Variants in ZDHHC2 observed in about 807,000 individuals in gnomAD.
ZDHHC2 encodes palmitoyltransferase ZDHHC2.
In ZDHHC2, 51 loss-of-function variants were observed where a neutral mutation model predicts 55.6. That is an observed-to-expected ratio of 0.92 (90% confidence interval 0.73 to 1.16). The LOEUF (loss-of-function observed/expected upper bound fraction) is 1.16. Ranked by LOEUF, ZDHHC2 falls within the 50% of genes most tolerant of loss-of-function variation. The pLI is 0.00. For missense variants in ZDHHC2, 491 were observed against 442.4 expected, an observed-to-expected ratio of 1.11 and a Z score of -0.99; for synonymous variants, 199 against 152.9, an observed-to-expected ratio of 1.30 and a Z score of -2.22.
chr8:17,196,417 C>G (rs929880317), intron 4 of ZDHHC2, among the ~76,000 whole-genome samples: 2 of 152,114 alleles, frequency 1.3e-5, no homozygotes, highest in East Asian at 1.9e-4. Flanking sequence ...TGAACAGACA[C>G]AGTGGCTTGT....
chr8:17,191,774 A>G (rs1428214021), intron 3 of ZDHHC2, among the ~76,000 whole-genome samples: 3 of 152,210 alleles, frequency 2.0e-5, no homozygotes, highest in African/African-American at 4.8e-5. Flanking sequence ...GTGCTGCAAT[A>G]AACATGGGAG....
At chr8:17,182,543 A>T (rs1488905916) in intron 1 of ZDHHC2, among the ~76,000 whole-genome samples, 1 of 152,180 alleles carries the variant, frequency 6.6e-6, no homozygotes, top group Non-Finnish European at 1.5e-5. Flanking sequence ...ATGTTACACA[A>T]TTATTTACTA....
intron 3 of ZDHHC2, among the ~76,000 whole-genome samples, chr8:17,186,837 A>G (rs535265320): frequency 6.6e-6 from 1 of 152,316 alleles, no homozygotes; most frequent in East Asian, 1.9e-4. Flanking sequence ...TCTGCATTCA[A>G]AAAGTCTGTA....
chr8:17,172,129 G>C (rs1468207243), intron 1 of ZDHHC2, among the ~76,000 whole-genome samples: 1 of 152,074 alleles, frequency 6.6e-6, no homozygotes, highest in African/African-American at 2.4e-5. Flanking sequence ...ACCTGGAACT[G>C]TTTACTTTCC....
Position 17,186,288 on chromosome 8 carries a change from G to A in ZDHHC2, c.158-43G>A, listed in dbSNP as rs192437993. 3.1e-3 allele frequency: 4,007 copies of A among 1,281,622 alleles called. 142 individuals are homozygous for A. The South Asian group carries it at 0.049, about 16-fold the overall frequency. The allele number at this position is 1,281,622 out of a possible 1,614,324, so 79.4% of individuals were successfully genotyped here. On this transcript the variant is annotated intron_variant, in intron 2 of 12. Transcript: ENST00000262096. ...GTTGTGACTGTCATAATTTTAGTAT[G>A]TATTTGCATATTATAATGATAATTA...
rs1379122858 is a variant in ZDHHC2 at position 17,222,988 on chromosome 8, T to TA, written c.*2768dup. 1 of 151,880 alleles carries TA rather than the reference T, an allele frequency of 6.6e-6. No homozygotes were observed. Among genetic ancestry groups the TA allele is most frequent in the Non-Finnish European group, 1.5e-5 (1 of 67,808 alleles). 9.4% of individuals were successfully genotyped at this position (151,880 alleles called of 1,614,324 possible). On this transcript the variant is annotated 3_prime_UTR_variant, in exon 13 of 13. Coordinates refer to ENST00000262096, the MANE Select transcript of ZDHHC2 (RefSeq NM_016353.5). ...GTAATCAATAGACAACTATTGGAAA[T>TA]ATGGCATATGTTGACAAACACTTAA...
chr8:17,210,761 G>GA (rs984105272), intron 10 of ZDHHC2, among the ~76,000 whole-genome samples: 24 of 151,082 alleles, frequency 1.6e-4, no homozygotes, highest in African/African-American at 4.9e-4. Flanking sequence ...GTGCTTAAAA[G>GA]AAAAAAAAAT....
rs1654495237 is a variant in ZDHHC2 at position 17,223,851 on chromosome 8, TTC to T, written c.*3634_*3635del. On this transcript the variant is annotated 3_prime_UTR_variant, in exon 13 of 13. Coordinates refer to ENST00000262096, the MANE Select transcript of ZDHHC2 (RefSeq NM_016353.5). ...ATGTTGCAAACCATGCATTTTCCTT[TTC>T]TCTTTTCCATAAGATTTTTTTATTG... 1 of 151,822 alleles carries T rather than the reference TTC, an allele frequency of 6.6e-6. No homozygotes were observed. The allele number at this position is 151,822 out of a possible 1,614,324, so 9.4% of individuals were successfully genotyped here.
chr8:17,195,298 G>C (rs1806249398), intron 3 of ZDHHC2, among the ~76,000 whole-genome samples: 1 of 152,132 alleles, frequency 6.6e-6, no homozygotes, highest in Non-Finnish European at 1.5e-5. Flanking sequence ...GTATTATGAT[G>C]ATGATTATTA....
At chr8:17,182,003 A>G (rs1805454232) in intron 1 of ZDHHC2, among the ~76,000 whole-genome samples, 1 of 152,200 alleles carries the variant, frequency 6.6e-6, no homozygotes, top group Non-Finnish European at 1.5e-5. Flanking sequence ...TTAAACTGAA[A>G]ATTACAAGGT....
At chr8:17,215,018 G>A (rs1423196364) in intron 10 of ZDHHC2, among the ~76,000 whole-genome samples, 2 of 152,242 alleles carry the variant, frequency 1.3e-5, no homozygotes, top group East Asian at 1.9e-4. Flanking sequence ...TCATCTTATG[G>A]TAAGCAGAAG....
chr8:17,205,474 AAGC>A (rs1156516802), intron 6 of ZDHHC2, among the ~76,000 whole-genome samples, 178 bp from the exon 7 acceptor site: 11 of 152,224 alleles, frequency 7.2e-5, no homozygotes, highest in Admixed American at 1.3e-4. Flanking sequence ...TTAAAAATAG[AAGC>A]AGATTTTTTA....
chr8:17,193,372 T>G (rs549728792), intron 3 of ZDHHC2, among the ~76,000 whole-genome samples: 8 of 152,370 alleles, frequency 5.3e-5, no homozygotes, highest in African/African-American at 1.7e-4. Context: ...CTGCCTTATA[T>G]TCTTCTAAAC....
chr8:17,177,641 A>G (rs145472473), intron 1 of ZDHHC2, among the ~76,000 whole-genome samples: 3 of 152,346 alleles, frequency 2.0e-5, no homozygotes, highest in African/African-American at 4.8e-5. Context: ...AGTATAGTCA[A>G]TTAATGTTTC....
At chr8:17,179,144 G>C (rs909315891) in intron 1 of ZDHHC2, among the ~76,000 whole-genome samples, 1 of 152,014 alleles carries the variant, frequency 6.6e-6, no homozygotes, top group Non-Finnish European at 1.5e-5. Context: ...TAGAGATGAT[G>C]TTTCACTGTG....
chr8:17,214,074 G>C (rs1044208234), intron 10 of ZDHHC2, among the ~76,000 whole-genome samples: 1 of 152,152 alleles, frequency 6.6e-6, no homozygotes, highest in Non-Finnish European at 1.5e-5. Context: ...AATTATTCTT[G>C]AAAGAGTTTT....
At chr8:17,216,174 C>G (rs1283760411) in intron 11 of ZDHHC2, among the ~76,000 whole-genome samples, 1 of 152,126 alleles carries the variant, frequency 6.6e-6, no homozygotes, top group African/African-American at 2.4e-5. Context: ...ACCTTTTCTC[C>G]TTCGTTTCTA....
intron 10 of ZDHHC2, among the ~76,000 whole-genome samples, chr8:17,212,910 C>A (rs59674627): frequency 0.038 from 5,837 of 151,932 alleles, 413 homozygotes; most frequent in East Asian, 0.31. Flanking sequence ...TTGCCCAGGC[C>A]GGAGTGCAGT....
intron 11 of ZDHHC2, among the ~76,000 whole-genome samples, chr8:17,216,075 A>G (rs1398589958): frequency 2.0e-5 from 3 of 152,224 alleles, no homozygotes. Context: ...ATGTGTGTGT[A>G]TATATGTGTG....
Sources: gnomAD v4.1 joint callset for allele counts (sites outside exome capture counted in the v4.1 genomes callset) on GRCh38, gnomAD v4.1.1 for gene constraint, MANE v1.5 for transcripts, NCBI Gene and HGNC (gene_info 2026-07-23, HGNC 2026-07-21) for gene names.